Variants in GBF1 observed in about 807,000 individuals in gnomAD.
The protein encoded by GBF1 is Golgi-specific brefeldin A-resistance guanine nucleotide exchange factor 1.
GBF1 carries 114 observed loss-of-function variants against 210.5 expected under a neutral mutation model. The observed-to-expected ratio is 0.54, with a 90% CI of 0.47 to 0.63. GBF1 has a LOEUF of 0.63. GBF1 is among the 30% of genes least tolerant of loss of function. The pLI is 0.00. For missense variants in GBF1, 1,851 were observed against 2,357.7 expected, an observed-to-expected ratio of 0.79 and a Z score of 4.45; for synonymous variants, 850 against 889.2, an observed-to-expected ratio of 0.96 and a Z score of 0.78.
intron 31 of GBF1, 27 bp from the exon 32 acceptor site, chr10:102,376,533 T>A: frequency 6.2e-7 from 1 of 1,613,382 alleles, no homozygotes; most frequent in Non-Finnish European, 8.5e-7. Flanking sequence ...CAAGCCTGTG[T>A]CCCCAGCTCC....
At chr10:102,314,398 A>T (rs772028) in intron 3 of GBF1, among the ~76,000 whole-genome samples, 50,159 of 151,892 alleles carry the variant, frequency 0.33, 8,884 homozygotes, top group South Asian at 0.48. Context: ...CCTCCCGCCT[A>T]GGCCTCCCAA....
intron 3 of GBF1, among the ~76,000 whole-genome samples, chr10:102,313,152 G>A (rs2078627560): frequency 1.3e-5 from 2 of 152,302 alleles, no homozygotes; most frequent in South Asian, 4.1e-4. Context: ...TTGTGCTGCT[G>A]AGCAAAGGAA....
intron 3 of GBF1, among the ~76,000 whole-genome samples, chr10:102,295,239 C>G (rs867607047): frequency 6.6e-6 from 1 of 152,208 alleles, no homozygotes. Context: ...AACTCAAAAA[C>G]TGTCAAGGGC....
the GBF1 span, chr10:102,230,906 C>T: frequency 2.5e-6 from 4 of 1,611,692 alleles, no homozygotes; most frequent in East Asian, 4.5e-5. Context: ...GAGTTGAAGG[C>T]GAATGGAAAG....
At chr10:102,334,095 T>C (rs1041728060) in intron 3 of GBF1, among the ~76,000 whole-genome samples, 1 of 152,166 alleles carries the variant, frequency 6.6e-6, no homozygotes, top group African/African-American at 2.4e-5. Flanking sequence ...CATGGGCCAA[T>C]ATTTGCAGGG....
chr10:102,232,014 T>G, the GBF1 span: 2 of 1,609,434 alleles, frequency 1.2e-6, no homozygotes, highest in Non-Finnish European at 1.7e-6. Flanking sequence ...GGGTGCGGAG[T>G]GCCAGCGTCT....
intron 7 of GBF1, among the ~76,000 whole-genome samples, chr10:102,352,781 C>T (rs893022204): frequency 1.3e-5 from 2 of 152,182 alleles, no homozygotes; most frequent in African/African-American, 4.8e-5. Context: ...GTGTCTGTTT[C>T]TGTGCAGGTA....
In GBF1 at chr10:102,368,397, A is replaced by C. The variant is rs780969299; in HGVS notation, c.2822A>C (p.Tyr941Ser). ...GGCCCCACTATTGCTGCTCTCTCTT[A>C]TGTCTTTGACAAAAGCCTTGAGGAG... ...TWGPTIAALS[Y>S]VFDKSLEETI... The change falls in exon 22 of 40, where the codon TAT (tyrosine) becomes TCT (serine). Residue 941 changes from tyrosine to serine, a missense_variant. Physicochemically the swap from Tyr to Ser is moderately radical, Grantham distance 144. This residue lies in a region of GBF1 where 967 missense variants were observed against 1,247.7 expected (regional missense o/e 0.78). Coordinates refer to ENST00000369983, the MANE Select transcript of GBF1 (RefSeq NM_001377137.1). 1.4e-4 allele frequency: 225 copies of C among 1,613,672 alleles called. No individual in the cohort carries two copies. The highest frequency in any genetic ancestry group is 1.9e-4 in the Non-Finnish European group (221 of 1,179,690).
intron 8 of GBF1, among the ~76,000 whole-genome samples, chr10:102,355,475 C>G (rs1282481226): frequency 2.6e-5 from 4 of 152,164 alleles, no homozygotes; most frequent in African/African-American, 9.7e-5. Context: ...ATACCTACTG[C>G]CCACCCCACA....
chr10:102,309,031 G>A (rs1262835679), intron 3 of GBF1, among the ~76,000 whole-genome samples: 1 of 152,186 alleles, frequency 6.6e-6, no homozygotes, highest in Non-Finnish European at 1.5e-5. Context: ...TCATGATTGG[G>A]ATTTCTGGGT....
At chr10:102,238,648 G>A in the GBF1 span, among the ~76,000 whole-genome samples, 1 of 152,204 alleles carries the variant, frequency 6.6e-6, no homozygotes, top group Non-Finnish European at 1.5e-5. Flanking sequence ...TTTATATGAT[G>A]CTCCTCCATT....
In GBF1 at chr10:102,363,961, C is replaced by G. The variant is rs992302631; in HGVS notation, c.2106+163C>G. On this transcript the variant is annotated intron_variant, in intron 17 of 39. Transcript: ENST00000369983. The surrounding 1 kb of genome is among the most constrained non-coding windows in gnomAD (Gnocchi z 4.2). ...ACTTCAGCAACTCCCATTTGAAGCC[C>G]TTCCCTTACTCCTAAGCTATGTAGT... 6.6e-5 allele frequency among the ~76,000 whole-genome samples: 10 copies of G among 152,064 alleles called. No individual in the cohort carries two copies. Among genetic ancestry groups the G allele is most frequent in the African/African-American group, 2.4e-4 (10 of 41,384 alleles).
intron 3 of GBF1, among the ~76,000 whole-genome samples, chr10:102,336,226 G>C (rs571941221): frequency 6.6e-6 from 1 of 151,406 alleles, no homozygotes; most frequent in East Asian, 1.9e-4. Flanking sequence ...ACTTGAACCG[G>C]GGAGGTGGAG....
the GBF1 span, chr10:102,232,242 C>G: frequency 1.6e-6 from 1 of 623,838 alleles, no homozygotes; most frequent in Non-Finnish European, 2.9e-6. Flanking sequence ...AGGATAGAAT[C>G]GGGAAATAGC....
At chr10:102,265,424 A>G (rs978818966) in intron 3 of GBF1, among the ~76,000 whole-genome samples, 5 of 152,152 alleles carry the variant, frequency 3.3e-5, no homozygotes, top group African/African-American at 9.7e-5. Flanking sequence ...CACATCTGTA[A>G]TCTAGCACTT....
At chr10:102,247,058 G>C (rs989906122) in intron 1 of GBF1, among the ~76,000 whole-genome samples, 4 of 152,178 alleles carry the variant, frequency 2.6e-5, no homozygotes, top group African/African-American at 9.7e-5. Flanking sequence ...TTCAGTATGT[G>C]ATCAGGACTT....
At chr10:102,266,326 T>C (rs543891739) in intron 3 of GBF1, among the ~76,000 whole-genome samples, 11 of 152,324 alleles carry the variant, frequency 7.2e-5, no homozygotes, top group African/African-American at 2.4e-4. Context: ...CCTTTTCTTT[T>C]GGGGATTCTC....
rs1263490634 is a variant in GBF1 at position 102,377,067 on chromosome 10, G to A, written c.4421G>A (p.Gly1474Glu). The change falls in exon 33 of 40, where the codon GGG (glycine) becomes GAG (glutamate). Residue 1474 changes from glycine to glutamate, a missense_variant. Coordinates refer to ENST00000369983, the MANE Select transcript of GBF1 (RefSeq NM_001377137.1). ...TCCAGCCAACATGCCTCTCGGGGCG[G>A]GCAGAGTGATGATGATGAGGACGAA... Reference protein sequence around the residue: ...RTSSQHASRGGQSDDDEDEGV... With the variant: ...RTSSQHASRGEQSDDDEDEGV... The A allele has an allele frequency of 1.9e-6, 3 of 1,614,150 alleles. No individual in the cohort carries two copies.
chr10:102,269,688 G>A (rs1201060396), intron 3 of GBF1, among the ~76,000 whole-genome samples: 6 of 152,130 alleles, frequency 3.9e-5, no homozygotes, highest in African/African-American at 9.7e-5. Context: ...CTTGACAAGA[G>A]GATGTAGAAT....
Sources: gnomAD v4.1 joint callset for allele counts (sites outside exome capture counted in the v4.1 genomes callset) on GRCh38, gnomAD v4.1.1 for gene constraint, gnomAD v4.1.1 regional missense constraint, Gnocchi (gnomAD v3.1) non-coding constraint, MANE v1.5 for transcripts, NCBI Gene and HGNC (gene_info 2026-07-23, HGNC 2026-07-21) for gene names.